ALDH1A2: variants seen among roughly 807,000 people sequenced by gnomAD.
ALDH1A2 encodes the protein retinal dehydrogenase 2.
Under a neutral mutation model 60.3 loss-of-function variants are expected in ALDH1A2, and 27 were observed. That is an observed-to-expected ratio of 0.45 (90% confidence interval 0.33 to 0.62). ALDH1A2 has a LOEUF of 0.62. ALDH1A2 is among the 20% of genes least tolerant of loss of function. The pLI, the probability that ALDH1A2 is intolerant of heterozygous loss-of-function variation, is 0.02. For synonymous variants in ALDH1A2, 289 were observed against 232.4 expected (o/e 1.24, Z -2.21); for missense variants, 581 against 643.8 (o/e 0.90, Z 1.06).
Position 58,065,704 on chromosome 15 carries a change from C to G in ALDH1A2, c.-54G>C. ...GGCGTGGGGCAGTGCGGGCTGTGCG[C>G]GCGGTCCGCGGCCCGGGGGCGCGCT... On this transcript the variant is annotated 5_prime_UTR_variant, in exon 1 of 13. Transcript: ENST00000249750. The G allele has an allele frequency of 1.6e-6, 2 of 1,274,104 alleles. No individual in the cohort carries two copies. Among genetic ancestry groups the G allele is most frequent in the Non-Finnish European group, 2.1e-6 (2 of 936,260 alleles). The allele number at this position is 1,274,104 out of a possible 1,614,324, so 78.9% of individuals were successfully genotyped here. A position where few individuals can be genotyped will look rare whatever the true frequency, so the allele number is the denominator to read the frequency against.
At chr15:58,047,963 G>C (rs1484025534) in intron 1 of ALDH1A2, among the ~76,000 whole-genome samples, 2 of 152,012 alleles carry the variant, frequency 1.3e-5, no homozygotes, top group Non-Finnish European at 2.9e-5. Context: ...CTAGCAAAAA[G>C]CATGGTTTTA....
At chr15:57,985,083 T>G (rs1320377698) in intron 7 of ALDH1A2, among the ~76,000 whole-genome samples, 1 of 152,250 alleles carries the variant, frequency 6.6e-6, no homozygotes, top group Non-Finnish European at 1.5e-5. Context: ...AGTTTTCTTG[T>G]GATATCTTTG....
chr15:58,065,393 T>G (rs1485065221), intron 1 of ALDH1A2, 141 bp downstream of exon 1: 25 of 791,634 alleles, frequency 3.2e-5, no homozygotes, highest in Non-Finnish European at 2.7e-5. Context: ...AGGCAGGGGG[T>G]CCCTCTGCTG....
chr15:58,050,365 G>A (rs1439215962), intron 1 of ALDH1A2, among the ~76,000 whole-genome samples: 7 of 151,948 alleles, frequency 4.6e-5, no homozygotes, highest in Non-Finnish European at 8.8e-5. Context: ...AGAGCTGCCC[G>A]TTTTAGCAAA....
At chr15:58,041,478 A>C (rs372345042) in intron 1 of ALDH1A2, among the ~76,000 whole-genome samples, 23 of 152,056 alleles carry the variant, frequency 1.5e-4, no homozygotes, top group African/African-American at 4.8e-4. Context: ...AAACAACAGA[A>C]ACTTATTTCT....
intron 1 of ALDH1A2, among the ~76,000 whole-genome samples, chr15:58,062,024 A>G (rs1263148053): frequency 6.6e-6 from 1 of 152,170 alleles, no homozygotes; most frequent in Non-Finnish European, 1.5e-5. Context: ...TGCCTTTTGA[A>G]TTTAATTGAA....
intron 7 of ALDH1A2, among the ~76,000 whole-genome samples, chr15:57,974,055 CTGT>C (rs1894158444): frequency 6.6e-6 from 1 of 152,030 alleles, no homozygotes; most frequent in African/African-American, 2.4e-5. Context: ...AAAAAAATTC[CTGT>C]TGTTATAAAG....
chr15:58,042,113 A>G (rs1196981490), intron 1 of ALDH1A2, among the ~76,000 whole-genome samples: 1 of 151,944 alleles, frequency 6.6e-6, no homozygotes, highest in African/African-American at 2.4e-5. Flanking sequence ...TCCTATATTA[A>G]AACTACCAAT....
chr15:58,035,058 G>A (rs1463599378), intron 1 of ALDH1A2, among the ~76,000 whole-genome samples: 3 of 151,604 alleles, frequency 2.0e-5, no homozygotes, highest in African/African-American at 7.3e-5. Context: ...TTGTTTGGTA[G>A]AAGTCACCAG....
chr15:58,010,693 T>C lies in ALDH1A2; in HGVS notation c.449A>G (p.Tyr150Cys). Residue 150 changes from tyrosine to cysteine, a missense_variant, in exon 4 of 13, where the codon TAC (tyrosine) becomes TGC (cysteine). Tyr to Cys is a radical substitution (Grantham distance 194, BLOSUM62 -2). Coordinates refer to ENST00000249750, the MANE Select transcript of ALDH1A2 (RefSeq NM_003888.4). ...LQGVIKTFRYYAGWADKIHGM... is the reference protein window; with the variant it reads ...LQGVIKTFRYCAGWADKIHGM... ...ATGAATTTTATCAGCCCAGCCTGCG[T>C]AATATCGAAAGGTTTTGATGACGCC... 6.2e-7 allele frequency: 1 copy of C among 1,613,576 alleles called. No individual in the cohort carries two copies.
chr15:57,960,151 T>G (rs1413439388), intron 12 of ALDH1A2, among the ~76,000 whole-genome samples: 1 of 152,182 alleles, frequency 6.6e-6, no homozygotes, highest in Admixed American at 6.5e-5. Flanking sequence ...TCTGATTCTT[T>G]CAATGTTATT....
chr15:58,023,931 T>C (rs1401237715), intron 1 of ALDH1A2, among the ~76,000 whole-genome samples: 1 of 152,036 alleles, frequency 6.6e-6, no homozygotes, highest in Admixed American at 6.6e-5. Flanking sequence ...TCCTCTCCAC[T>C]GAAAATACAA....
intron 4 of ALDH1A2, among the ~76,000 whole-genome samples, chr15:58,005,981 T>A (rs550723312): frequency 6.6e-6 from 1 of 151,824 alleles, no homozygotes; most frequent in South Asian, 2.1e-4. Context: ...AAGTACAGAG[T>A]GTTCTCAGAG....
chr15:58,031,676 C>T (rs1370812819), intron 1 of ALDH1A2, among the ~76,000 whole-genome samples: 1 of 151,944 alleles, frequency 6.6e-6, no homozygotes, highest in Non-Finnish European at 1.5e-5. Flanking sequence ...AAAAAACAAC[C>T]CCAACAAAAA....
At chr15:58,020,289 A>C (rs1403878879) in intron 1 of ALDH1A2, among the ~76,000 whole-genome samples, 1 of 152,212 alleles carries the variant, frequency 6.6e-6, no homozygotes, top group Non-Finnish European at 1.5e-5. Context: ...ATACGTGTGC[A>C]TGTATCTTTA....
At chr15:58,058,845 G>A (rs1236754069) in intron 1 of ALDH1A2, among the ~76,000 whole-genome samples, 1 of 152,166 alleles carries the variant, frequency 6.6e-6, no homozygotes, top group African/African-American at 2.4e-5. Context: ...AAATTAGAAA[G>A]TTCACACGCA....
At chr15:57,991,242 A>AAAGAT (rs1894886799) in intron 7 of ALDH1A2, among the ~76,000 whole-genome samples, 2 of 152,198 alleles carry the variant, frequency 1.3e-5, no homozygotes, top group Admixed American at 1.3e-4. Context: ...TCTAGCCTTT[A>AAAGAT]GCAAATATTT....
chr15:58,011,828 G>A (rs1895642916), intron 3 of ALDH1A2, among the ~76,000 whole-genome samples: 1 of 152,128 alleles, frequency 6.6e-6, no homozygotes, highest in South Asian at 2.1e-4. Flanking sequence ...ACATGTATAT[G>A]TTTACAAGAT....
At chr15:57,974,168 G>A (rs866043313) in intron 7 of ALDH1A2, among the ~76,000 whole-genome samples, 5 of 152,098 alleles carry the variant, frequency 3.3e-5, no homozygotes, top group Admixed American at 6.5e-5. Flanking sequence ...AGGGCCGGGC[G>A]CAGTGGCTCA....
Sources: allele counts gnomAD v4.1 joint callset (sites outside exome capture counted in the v4.1 genomes callset), GRCh38; gene constraint gnomAD v4.1.1; transcripts MANE v1.5; gene names NCBI Gene and HGNC (gene_info 2026-07-23, HGNC 2026-07-21).